SGCZ: variants seen among roughly 807,000 people sequenced by gnomAD.
SGCZ encodes zeta-sarcoglycan.
A neutral mutation model predicts 41.3 loss-of-function variants in SGCZ; 40 were observed. The observed-to-expected ratio is 0.97, with a 90% CI of 0.75 to 1.26. SGCZ has a LOEUF of 1.26. Among genes scored for constraint, SGCZ ranks in the 50% most tolerant of loss-of-function variants. The probability of loss-of-function intolerance (pLI) is 0.00; values close to 1 mark genes in which losing one functional copy is unlikely to be tolerated. For missense variants in SGCZ, 552 were observed against 369.8 expected (o/e 1.49, Z -4.04); for synonymous variants, 206 against 137.5 (o/e 1.50, Z -3.49).
At chr8:14,524,448 C>A (rs1202274280) in intron 2 of SGCZ, among the ~76,000 whole-genome samples, 2 of 151,928 alleles carry the variant, frequency 1.3e-5, no homozygotes, top group Non-Finnish European at 2.9e-5. Flanking sequence ...TTTATATGAC[C>A]CTCAGTGATA....
chr8:14,433,347 T>C (rs1221234142), intron 2 of SGCZ, among the ~76,000 whole-genome samples: 2 of 152,216 alleles, frequency 1.3e-5, no homozygotes, highest in African/African-American at 4.8e-5. Context: ...ATTAGTGATA[T>C]ACGGATAATT....
intron 1 of SGCZ, among the ~76,000 whole-genome samples, chr8:14,867,974 T>C (rs1204889395): frequency 6.6e-6 from 1 of 151,292 alleles, no homozygotes; most frequent in African/African-American, 2.4e-5. Flanking sequence ...GGGAAAAACA[T>C]TCTATATAAC....
chr8:14,518,591 G>A (rs2117094274), intron 2 of SGCZ, among the ~76,000 whole-genome samples: 1 of 152,190 alleles, frequency 6.6e-6, no homozygotes, highest in East Asian at 1.9e-4. Context: ...TACTGGGTTT[G>A]AATGGAGACC....
chr8:14,461,622 C>G (rs13261720), intron 2 of SGCZ, among the ~76,000 whole-genome samples: 112 of 152,168 alleles, frequency 7.4e-4, no homozygotes, highest in Non-Finnish European at 1.3e-3. Flanking sequence ...CAGCTCATAT[C>G]CCTGAGGAGT....
Position 15,198,815 on chromosome 8 carries a change from C to A in SGCZ, c.39+38770G>T, listed in dbSNP as rs116579457. 7.6e-3 allele frequency among the ~76,000 whole-genome samples: 1,164 copies of A among 152,250 alleles called. 13 individuals carry two copies. Among genetic ancestry groups the A allele is most frequent in the African/African-American group, 0.025 (1,038 of 41,556 alleles). On this transcript the variant is annotated intron_variant, in intron 1 of 7. Coordinates refer to ENST00000382080, the MANE Select transcript of SGCZ (RefSeq NM_139167.4). ...CACAGCTAAGTTACAGGGCTTCAAGCCTCATGTGACTCTATGACTTATTTT... is the reference window on the plus strand; with the variant it reads ...CACAGCTAAGTTACAGGGCTTCAAGACTCATGTGACTCTATGACTTATTTT...
rs546451119 is a variant in SGCZ at position 14,456,400 on chromosome 8, C to T, written c.234+98332G>A. Among the ~76,000 whole-genome samples, 64 of 152,202 alleles carry T rather than the reference C, an allele frequency of 4.2e-4. 1 individual carries two copies. Among genetic ancestry groups the T allele is most frequent in the Non-Finnish European group, 8.2e-4 (56 of 68,016 alleles). ...TCCAGCCTGCGCAAGAAGAGTGAAA[C>T]TCCATCTCAAAAAATTAAAAATAAA... On this transcript the variant is annotated intron_variant, in intron 2 of 7. Transcript: ENST00000382080.
chr8:14,874,959 T>C (rs948448257), intron 1 of SGCZ, among the ~76,000 whole-genome samples: 1 of 152,184 alleles, frequency 6.6e-6, no homozygotes, highest in Non-Finnish European at 1.5e-5. Context: ...GAGTCTGACC[T>C]AATCAGGTGC....
intron 2 of SGCZ, among the ~76,000 whole-genome samples, chr8:14,511,367 G>A (rs926724551): frequency 6.6e-6 from 1 of 151,744 alleles, no homozygotes; most frequent in Non-Finnish European, 1.5e-5. Flanking sequence ...TTCCCAATAG[G>A]CCCACTGCAC....
intron 1 of SGCZ, among the ~76,000 whole-genome samples, chr8:14,955,664 T>G (rs1800768525): frequency 6.6e-6 from 1 of 152,378 alleles, no homozygotes; most frequent in East Asian, 1.9e-4. Context: ...TTCAAATATT[T>G]AATTGACATG....
intron 3 of SGCZ, among the ~76,000 whole-genome samples, chr8:14,313,518 T>C (rs1026576954): frequency 1.3e-5 from 2 of 152,072 alleles, no homozygotes; most frequent in African/African-American, 2.4e-5. Context: ...GGCTTTGCCA[T>C]GTTGGCCAGA....
chr8:14,698,984 G>T (rs116690047), intron 1 of SGCZ, among the ~76,000 whole-genome samples: 1 of 150,740 alleles, frequency 6.6e-6, no homozygotes, highest in African/African-American at 2.5e-5. Flanking sequence ...AATAAAATAC[G>T]GTAATAAACT....
intron 1 of SGCZ, among the ~76,000 whole-genome samples, chr8:15,231,209 A>G (rs1256997059): frequency 6.6e-6 from 1 of 152,188 alleles, no homozygotes. Context: ...CATGATAATT[A>G]AAGCTTTTCT....
Position 14,965,843 on chromosome 8 carries a change from G to A in SGCZ, c.39+271742C>T, listed in dbSNP as rs562244209. Among the ~76,000 whole-genome samples the A allele has an allele frequency of 3.9e-5, 6 of 152,060 alleles. No homozygotes were observed. The East Asian group carries it at 1.2e-3, about 29-fold the overall frequency. On this transcript the variant is annotated intron_variant, in intron 1 of 7. Coordinates refer to ENST00000382080, the MANE Select transcript of SGCZ (RefSeq NM_139167.4). ...AAGATATATCATAAACTACAGCAGG[G>A]CAAATCTAATAATAATAGGATTGTA...
intron 2 of SGCZ, among the ~76,000 whole-genome samples, chr8:14,412,128 C>A (rs1799377193): frequency 6.6e-6 from 1 of 151,970 alleles, no homozygotes; most frequent in Non-Finnish European, 1.5e-5. Flanking sequence ...TATGGTATTA[C>A]AAAATTCTAA....
chr8:14,739,383 G>T (rs932129345), intron 1 of SGCZ, among the ~76,000 whole-genome samples: 1 of 151,800 alleles, frequency 6.6e-6, no homozygotes, highest in African/African-American at 2.4e-5. Flanking sequence ...AAATAAAATT[G>T]GAATCCATTA....
intron 2 of SGCZ, among the ~76,000 whole-genome samples, chr8:14,387,690 T>A (rs2117208454): frequency 6.6e-6 from 1 of 152,108 alleles, no homozygotes; most frequent in South Asian, 2.1e-4. Flanking sequence ...ATTTTATATG[T>A]TGAGGAGCAC....
intron 1 of SGCZ, among the ~76,000 whole-genome samples, chr8:14,574,564 G>A (rs948734739): frequency 6.6e-6 from 1 of 152,186 alleles, no homozygotes; most frequent in South Asian, 2.1e-4. Context: ...CCACTCTGTT[G>A]CCATCAGCTC....
At chr8:14,898,875 A>G (rs1284353040) in intron 1 of SGCZ, among the ~76,000 whole-genome samples, 1 of 152,218 alleles carries the variant, frequency 6.6e-6, no homozygotes, top group Non-Finnish European at 1.5e-5. Context: ...TAGTTGAATA[A>G]CTGAGCTGGG....
chr8:14,829,649 A>T (rs1802457939), intron 1 of SGCZ, among the ~76,000 whole-genome samples: 1 of 151,988 alleles, frequency 6.6e-6, no homozygotes, highest in Non-Finnish European at 1.5e-5. Context: ...TATATCAGCT[A>T]CAATATACAT....
Sources: allele counts gnomAD v4.1 joint callset (sites outside exome capture counted in the v4.1 genomes callset), GRCh38; gene constraint gnomAD v4.1.1; transcripts MANE v1.5; gene names NCBI Gene and HGNC (gene_info 2026-07-23, HGNC 2026-07-21).